SLU7: variants seen among roughly 807,000 people sequenced by gnomAD.
SLU7 encodes the protein spliceosome associated SLU7.
Under a neutral mutation model 87.0 loss-of-function variants are expected in SLU7, and 60 were observed. The ratio of observed to expected loss-of-function variants is 0.69; its 90% CI spans 0.56 to 0.86. The LOEUF (loss-of-function observed/expected upper bound fraction) is 0.86, where lower values mean the gene tolerates loss of function less well. SLU7 is among the 40% of genes least tolerant of loss of function. The pLI, the probability that SLU7 is intolerant of heterozygous loss-of-function variation, is 0.00. For synonymous variants in SLU7, 197 were observed against 222.0 expected (o/e 0.89, Z 1.00); for missense variants, 507 against 686.6 (o/e 0.74, Z 2.92).
At chr5:160,408,292 A>G (rs1765089380) in intron 8 of SLU7, 37 bp downstream of exon 8, 3 of 1,585,852 alleles carry the variant, frequency 1.9e-6, no homozygotes, top group Admixed American at 1.8e-5. Flanking sequence ...GAAGACAAGT[A>G]TTTTTCAAAT....
In SLU7 at chr5:160,411,293, G is replaced by A. The variant is rs932206954; in HGVS notation, c.639+1158C>T. 6.0e-5 allele frequency among the ~76,000 whole-genome samples: 9 copies of A among 150,576 alleles called. No individual in the cohort carries two copies. In the Middle Eastern group the frequency reaches 0.011, roughly 185 times the overall value. ...GTCATCCAAGCTAGAGCACAGTGAC[G>A]TGATCTCGGCTCACTGCAACCTCTG... On this transcript the variant is annotated intron_variant, in intron 6 of 15. Coordinates refer to ENST00000297151, the MANE Select transcript of SLU7 (RefSeq NM_006425.5).
At chr5:160,408,583 T>G in intron 7 of SLU7, 67 bp downstream of exon 7, 1 of 1,375,646 alleles carries the variant, frequency 7.3e-7, no homozygotes, top group Non-Finnish European at 1.0e-6. Flanking sequence ...TTATTAGTGT[T>G]ATTTATTATT....
chr5:160,418,918 C>A (rs2910198), intron 1 of SLU7, 105 bp downstream of exon 1: 32,924 of 152,270 alleles, frequency 0.22, 4,469 homozygotes, highest in Admixed American at 0.33. Context: ...CACCTGAGGG[C>A]TCATCACCCC....
At chr5:160,408,299 A>C in intron 8 of SLU7, 30 bp downstream of exon 8, 1 of 1,588,982 alleles carries the variant, frequency 6.3e-7, no homozygotes. Context: ...AGTATTTTTC[A>C]AATATGTATG....
At chr5:160,404,700 G>A in intron 14 of SLU7, 109 bp downstream of exon 14, 5 of 919,288 alleles carry the variant, frequency 5.4e-6, no homozygotes, top group South Asian at 1.5e-5. Context: ...GCTCGAGCCT[G>A]GGCGACAGAA....
chr5:160,407,369 A>G lies in SLU7; in HGVS notation c.1125+107T>C. The G allele has an allele frequency of 1.0e-6, 1 of 956,076 alleles. No individual in the cohort carries two copies. The highest frequency in any genetic ancestry group is 1.5e-6 in the Non-Finnish European group (1 of 649,508). The allele number at this position is 956,076 out of a possible 1,614,324, so 59.2% of individuals were successfully genotyped here. On this transcript the variant is annotated intron_variant, in intron 11 of 15. Transcript: ENST00000297151. The surrounding 1 kb of genome is among the most constrained non-coding windows in gnomAD (Gnocchi z 4.2). The stretch of plus-strand genomic sequence containing the variant: ...GGAAGAAAAGGACTATTCTTCATGG[A>G]TTAAGAGGGCTCTCTTTGCATTATT...
At position 160,406,579 on chromosome 5, in the gene SLU7, G is replaced by A. The variant is rs754948240; in HGVS notation, c.1176C>T (p.Ala392=). Residue 392 remains alanine (A), a synonymous_variant, in exon 12 of 16, where the codon GCC becomes GCT. Transcript: ENST00000297151. The part of the protein sequence containing the change: ...LDAPPAELLL[A]QTEDYVEYSR... ...AGTACTCCACATAGTCTTCAGTCTG[G>A]GCTAAAAGCAATTCAGCTGGAGGGG... 5 of 1,612,674 alleles carry A rather than the reference G, an allele frequency of 3.1e-6. No homozygotes were observed. Among genetic ancestry groups the A allele is most frequent in the African/African-American group, 1.3e-5 (1 of 74,742 alleles).
At chr5:160,415,440 G>T (rs1444793808) in intron 1 of SLU7, 130 bp from the exon 2 acceptor site, 3 of 581,166 alleles carry the variant, frequency 5.2e-6, no homozygotes, top group Non-Finnish European at 5.4e-6. Flanking sequence ...TGTAAGGAAG[G>T]GTCTCTTCCC....
At chr5:160,414,254 A>C (rs1765361201) in intron 3 of SLU7, 65 bp downstream of exon 3, 1 of 1,320,384 alleles carries the variant, frequency 7.6e-7, no homozygotes, top group East Asian at 2.5e-5. Flanking sequence ...ATTGCATTAA[A>C]AATTCTTACA....
Position 160,408,063 on chromosome 5 carries a change from C to T in SLU7, c.825G>A (p.Leu275=). ...AGGCAGAATTTGGATCTAAATTCCT[C>T]AAATACTAGAAGAAAAAAATATTTA... ...LRIREDIAKY[L]RNLDPNSAYY... Residue 275 remains leucine, a synonymous_variant, in exon 9 of 16, where the codon TTG becomes TTA. Transcript: ENST00000297151. 1 of 1,594,474 alleles carries T rather than the reference C, an allele frequency of 6.3e-7. No individual in the cohort carries two copies.
Position 160,404,449 on chromosome 5 carries a change from T to G in SLU7, c.1572A>C (p.Lys524Asn). Residue 524 changes from lysine to asparagine, a missense_variant, in exon 15 of 16, where the codon AAA becomes AAC. By Grantham distance (94) the Lys-to-Asn change is moderately conservative. Around this residue, in one of 6 missense-constraint regions of SLU7, gnomAD observed 201 missense variants for 213.4 expected, o/e 0.94. Coordinates refer to ENST00000297151, the MANE Select transcript of SLU7 (RefSeq NM_006425.5). ...DSDDEEKKHE[K>N]LKKALNAEEA... ...AGACTTCACAAATTACCTTTTTCAA[T>G]TTTTCATGCTTCTTTTCTTCATCAT... 6.3e-7 allele frequency: 1 copy of G among 1,578,590 alleles called. No homozygotes were observed.
chr5:160,409,018 A>ATTTTTTTTATTACACT (rs1561558500), intron 6 of SLU7, among the ~76,000 whole-genome samples: 1 of 151,776 alleles, frequency 6.6e-6, no homozygotes, highest in Non-Finnish European at 1.5e-5. Context: ...CTGTCTATAA[A>ATTTTTTTTATTACACT]GCCAGCAAAT....
At chr5:160,415,551 CTT>C (rs578012947) in intron 1 of SLU7, among the ~76,000 whole-genome samples, 50 of 152,326 alleles carry the variant, frequency 3.3e-4, no homozygotes, top group Non-Finnish European at 6.0e-4. Context: ...TCACAGGACT[CTT>C]TTCTCATATC....
intron 7 of SLU7, 88 bp from the exon 8 acceptor site, chr5:160,408,548 A>G: frequency 6.9e-7 from 1 of 1,457,772 alleles, no homozygotes; most frequent in Non-Finnish European, 9.4e-7. Context: ...CCAAACCCTT[A>G]TTTACTTGTG....
chr5:160,415,353 T>A, intron 1 of SLU7, 43 bp from the exon 2 acceptor site: 1 of 1,430,628 alleles, frequency 7.0e-7, no homozygotes, highest in South Asian at 1.5e-5. Flanking sequence ...TAGGCCTTCA[T>A]GAATTCACTC....
At position 160,413,952 on chromosome 5, in the gene SLU7, C is replaced by T. The variant is rs555186441; in HGVS notation, c.352G>A (p.Gly118Arg). The T allele has an allele frequency of 6.3e-7, 1 of 1,592,460 alleles. No homozygotes were observed. Among genetic ancestry groups the T allele is most frequent in the South Asian group, 1.2e-5 (1 of 86,048 alleles). Residue 118 changes from glycine to arginine, a missense_variant, in exon 4 of 16, where the codon GGA becomes AGA. By Grantham distance (125) the Gly-to-Arg change is moderately radical (BLOSUM62 -2). Around this residue, in one of 6 missense-constraint regions of SLU7, gnomAD observed 155 missense variants for 154.4 expected, o/e 1.00. Transcript: ENST00000297151. ...ATGGCCCCACAATTTTCACATGCTC[C>T]TTTGCGGTACTTAGTAATTATGGAA... ...ENSIITKYRK[G>R]ACENCGAMTH...
At chr5:160,412,253 A>T (rs1765266951) in intron 6 of SLU7, among the ~76,000 whole-genome samples, 198 bp downstream of exon 6, 1 of 152,198 alleles carries the variant, frequency 6.6e-6, no homozygotes, top group Non-Finnish European at 1.5e-5. Flanking sequence ...CTAAATATAA[A>T]TAGTGGCAAT....
intron 2 of SLU7, among the ~76,000 whole-genome samples, chr5:160,414,906 G>A (rs886383114): frequency 6.6e-6 from 1 of 152,176 alleles, no homozygotes; most frequent in Admixed American, 6.5e-5. Context: ...TGTAGAGCAG[G>A]CCAGGGGTGG....
intron 6 of SLU7, among the ~76,000 whole-genome samples, chr5:160,410,823 ATTTC>A (rs1344073023): frequency 6.6e-6 from 1 of 151,716 alleles, no homozygotes; most frequent in Non-Finnish European, 1.5e-5. Flanking sequence ...AGGTGTTATC[ATTTC>A]TATTTCAGAC....
Sources: gnomAD v4.1 joint callset for allele counts (sites outside exome capture counted in the v4.1 genomes callset) on GRCh38, gnomAD v4.1.1 for gene constraint, gnomAD v4.1.1 regional missense constraint, Gnocchi (gnomAD v3.1) non-coding constraint, MANE v1.5 for transcripts, NCBI Gene and HGNC (gene_info 2026-07-23, HGNC 2026-07-21) for gene names.